Variants in IMMP2L observed in about 807,000 individuals in gnomAD.
IMMP2L encodes mitochondrial inner membrane protease subunit 2.
IMMP2L carries 18 observed loss-of-function variants against 19.3 expected under a neutral mutation model. The ratio of observed to expected loss-of-function variants is 0.93; its 90% confidence interval spans 0.64 to 1.38. IMMP2L has a LOEUF of 1.38. Among genes scored for constraint, IMMP2L ranks in the 40% most tolerant of loss-of-function variants. IMMP2L has a pLI of 0.00. For synonymous variants in IMMP2L, 76 were observed against 73.0 expected, an observed-to-expected ratio of 1.04 and a Z score of -0.21; for missense variants, 233 against 218.2, an observed-to-expected ratio of 1.07 and a Z score of -0.43.
intron 3 of IMMP2L, among the ~76,000 whole-genome samples, chr7:111,189,238 G>A (rs1219257155): frequency 6.6e-6 from 1 of 151,968 alleles, no homozygotes; most frequent in Non-Finnish European, 1.5e-5. Flanking sequence ...TCAATTAGAG[G>A]AGACAAAAGA....
chr7:110,874,391 A>C (rs137987080), intron 5 of IMMP2L, among the ~76,000 whole-genome samples: 1 of 152,190 alleles, frequency 6.6e-6, no homozygotes, highest in East Asian at 1.9e-4. Flanking sequence ...TCAAATACCA[A>C]ATTTACTTTG....
At chr7:111,187,645 GTAA>G (rs1470031179) in intron 3 of IMMP2L, among the ~76,000 whole-genome samples, 6 of 152,096 alleles carry the variant, frequency 3.9e-5, no homozygotes, top group Non-Finnish European at 8.8e-5. Flanking sequence ...TACATTTCAA[GTAA>G]TAATAATCAT....
intron 3 of IMMP2L, among the ~76,000 whole-genome samples, chr7:111,254,494 G>A (rs982432366): frequency 5.9e-5 from 9 of 152,022 alleles, no homozygotes; most frequent in African/African-American, 1.4e-4. Flanking sequence ...AGGATATTTC[G>A]CTACCTAATA....
At chr7:111,477,898 CA>C (rs953641772) in intron 3 of IMMP2L, among the ~76,000 whole-genome samples, 45 of 144,948 alleles carry the variant, frequency 3.1e-4, no homozygotes, top group African/African-American at 4.0e-4. Context: ...ATTTCTGCCT[CA>C]AAAAAAAAAA....
chr7:111,426,381 G>A (rs775493803), intron 3 of IMMP2L, among the ~76,000 whole-genome samples: 12 of 149,694 alleles, frequency 8.0e-5, no homozygotes, highest in Non-Finnish European at 1.3e-4. Flanking sequence ...AGGTATGTTC[G>A]TTCACATTTG....
intron 3 of IMMP2L, among the ~76,000 whole-genome samples, chr7:111,231,243 T>C (rs1813685464): frequency 6.6e-6 from 1 of 152,008 alleles, no homozygotes. Context: ...TACACCATCA[T>C]CTATTTGCTG....
chr7:111,226,370 T>C (rs567106428), intron 3 of IMMP2L, among the ~76,000 whole-genome samples: 11 of 152,192 alleles, frequency 7.2e-5, no homozygotes, highest in Middle Eastern at 6.8e-3. Context: ...GGTCTCACTA[T>C]GTTGCCCACG....
At chr7:111,270,211 A>G (rs1818309890) in intron 3 of IMMP2L, among the ~76,000 whole-genome samples, 1 of 152,052 alleles carries the variant, frequency 6.6e-6, no homozygotes, top group South Asian at 2.1e-4. Context: ...AAAAAAATAA[A>G]AAACTATTTC....
intron 3 of IMMP2L, among the ~76,000 whole-genome samples, chr7:110,979,441 A>T (rs1821026741): frequency 6.6e-6 from 1 of 152,116 alleles, no homozygotes; most frequent in Non-Finnish European, 1.5e-5. Context: ...TTTTTAAATT[A>T]ATAGTCTATC....
intron 3 of IMMP2L, among the ~76,000 whole-genome samples, chr7:111,435,225 T>C (rs1018210633): frequency 1.3e-5 from 2 of 151,850 alleles, no homozygotes; most frequent in Non-Finnish European, 2.9e-5. Context: ...AAAAGATGCT[T>C]GAAATTATAT....
chr7:110,701,242 T>A (rs1236040290), intron 5 of IMMP2L, among the ~76,000 whole-genome samples: 1 of 152,148 alleles, frequency 6.6e-6, no homozygotes. Flanking sequence ...ATTTACTATA[T>A]CATATATAAT....
At chr7:110,673,171 A>G (rs1426228381) in intron 5 of IMMP2L, among the ~76,000 whole-genome samples, 1 of 152,206 alleles carries the variant, frequency 6.6e-6, no homozygotes, top group African/African-American at 2.4e-5. Context: ...ACTTCTATGC[A>G]TCTGCAGGCC....
At chr7:111,305,258 G>C (rs1822737860) in intron 3 of IMMP2L, among the ~76,000 whole-genome samples, 1 of 152,152 alleles carries the variant, frequency 6.6e-6, no homozygotes, top group Admixed American at 6.6e-5. Flanking sequence ...TAGCAACCCA[G>C]AATAGCAGTA....
chr7:111,422,944 T>C (rs543471882), intron 3 of IMMP2L, among the ~76,000 whole-genome samples: 1 of 152,010 alleles, frequency 6.6e-6, no homozygotes, highest in Non-Finnish European at 1.5e-5. Context: ...TTGAATTTTG[T>C]CAAAGGCCTT....
chr7:110,940,610 C>T (rs952645629), intron 4 of IMMP2L, among the ~76,000 whole-genome samples: 1 of 152,134 alleles, frequency 6.6e-6, no homozygotes, highest in African/African-American at 2.4e-5. Context: ...TGGGAAGTCA[C>T]ATAATTTTTC....
chr7:111,510,154 A>G (rs533654892), intron 2 of IMMP2L, among the ~76,000 whole-genome samples: 1 of 152,324 alleles, frequency 6.6e-6, no homozygotes, highest in East Asian at 1.9e-4. Context: ...AGGGAACTTC[A>G]GAAAAAGCAG....
intron 3 of IMMP2L, among the ~76,000 whole-genome samples, chr7:111,421,669 T>C (rs1373687862): frequency 6.6e-6 from 1 of 151,706 alleles, no homozygotes; most frequent in African/African-American, 2.4e-5. Flanking sequence ...ATTCTGTAGA[T>C]TGCCTGTTCA....
intron 4 of IMMP2L, among the ~76,000 whole-genome samples, chr7:110,961,226 A>G (rs1443358850): frequency 6.6e-6 from 1 of 151,862 alleles, no homozygotes; most frequent in Non-Finnish European, 1.5e-5. Context: ...CCACAAATAT[A>G]GATACCAAAA....
intron 3 of IMMP2L, among the ~76,000 whole-genome samples, chr7:111,349,646 G>A (rs1478912036): frequency 6.6e-6 from 1 of 152,102 alleles, no homozygotes; most frequent in African/African-American, 2.4e-5. Flanking sequence ...GGGTAGTCAG[G>A]TGGTACCAGC....
Sources: gnomAD v4.1 joint callset for allele counts (sites outside exome capture counted in the v4.1 genomes callset) on GRCh38, gnomAD v4.1.1 for gene constraint, MANE v1.5 for transcripts, NCBI Gene and HGNC (gene_info 2026-07-23, HGNC 2026-07-21) for gene names.